Variants in ZFHX3 observed in about 807,000 individuals in gnomAD.
ZFHX3 encodes the protein zinc finger homeobox 3, also known as zinc finger homeobox protein 3.
ZFHX3 carries 42 observed loss-of-function variants against 279.1 expected under a neutral mutation model. The ratio of observed to expected loss-of-function variants is 0.15; its 90% confidence interval spans 0.12 to 0.19. The LOEUF is 0.19. ZFHX3 is among the 10% of genes least tolerant of loss of function. ZFHX3 has a pLI of 1.00. For synonymous variants in ZFHX3, 2,293 were observed against 1,957.8 expected (o/e 1.17, Z -4.52); for missense variants, 4,981 against 4,754.0 (o/e 1.05, Z -1.40).
intron 5 of ZFHX3, among the ~76,000 whole-genome samples, chr16:72,823,395 A>G (rs2143684491): frequency 1.3e-5 from 2 of 152,312 alleles, no homozygotes; most frequent in South Asian, 4.2e-4. Flanking sequence ...CTAGTCAACA[A>G]CAGGGTTGGG....
At chr16:73,573,207 C>T (rs2051760009) in intron 2 of ZFHX3, among the ~76,000 whole-genome samples, 1 of 151,882 alleles carries the variant, frequency 6.6e-6, no homozygotes, top group Non-Finnish European at 1.5e-5. Context: ...CCCAGAAGTC[C>T]ATGCCTCACT....
chr16:73,540,828 T>C (rs113567397), intron 2 of ZFHX3, among the ~76,000 whole-genome samples: 2 of 152,172 alleles, frequency 1.3e-5, no homozygotes, highest in Non-Finnish European at 1.5e-5. Flanking sequence ...CTGCTCACTG[T>C]CAGAGGCCTC....
chr16:73,539,713 C>T (rs143521293), intron 2 of ZFHX3, among the ~76,000 whole-genome samples: 34 of 152,118 alleles, frequency 2.2e-4, no homozygotes, highest in Non-Finnish European at 4.7e-4. Flanking sequence ...GCTCTTCCAC[C>T]GCCTGCCCGT....
intron 1 of ZFHX3, among the ~76,000 whole-genome samples, chr16:73,838,772 G>C (rs943011841): frequency 1.5e-5 from 2 of 134,394 alleles, no homozygotes; most frequent in African/African-American, 7.2e-5. Context: ...CTGTGTGTGT[G>C]TGTGTGTGTG....
At chr16:73,632,528 A>G (rs890873697) in intron 2 of ZFHX3, among the ~76,000 whole-genome samples, 1 of 151,966 alleles carries the variant, frequency 6.6e-6, no homozygotes, top group Non-Finnish European at 1.5e-5. Context: ...TCTACTAAAA[A>G]TACAAAAATT....
intron 5 of ZFHX3, among the ~76,000 whole-genome samples, chr16:72,823,040 C>T (rs1471488135): frequency 6.6e-6 from 1 of 152,062 alleles, no homozygotes; most frequent in Non-Finnish European, 1.5e-5. Flanking sequence ...AGAATTCCGC[C>T]TGCAGTGACT....
At chr16:73,345,764 G>T (rs963133078) in intron 3 of ZFHX3, among the ~76,000 whole-genome samples, 1 of 152,108 alleles carries the variant, frequency 6.6e-6, no homozygotes, top group African/African-American at 2.4e-5. Flanking sequence ...ACCCAGTAAT[G>T]GGATGGCTGA....
At position 73,226,657 on chromosome 16, in the gene ZFHX3, T is replaced by C. The variant is rs1253866684; in HGVS notation, c.-1104+30390A>G. On this transcript the variant is annotated intron_variant, in intron 5 of 17. Transcript: ENST00000641206. ...CCTTGTAGTTATGGATCAGTGTTCT[T>C]ACACTTGAACTACAGTGTCTTTGTT... Among the ~76,000 whole-genome samples the C allele has an allele frequency of 8.5e-5, 13 of 152,372 alleles. No homozygotes were observed. In the East Asian group the frequency reaches 2.5e-3, roughly 29 times the overall value.
intron 4 of ZFHX3, among the ~76,000 whole-genome samples, chr16:72,883,433 T>C (rs928111580): frequency 1.3e-5 from 2 of 152,174 alleles, no homozygotes; most frequent in Non-Finnish European, 2.9e-5. Context: ...TCTGAGCCCT[T>C]GCCACACATC....
intron 1 of ZFHX3, among the ~76,000 whole-genome samples, chr16:73,833,178 C>T (rs944511896): frequency 6.6e-6 from 1 of 152,078 alleles, no homozygotes; most frequent in African/African-American, 2.4e-5. Context: ...GCCCAGGCGA[C>T]GTAGCAAGAC....
At chr16:72,922,202 ACTACCCTAT>A (rs1385847293) in intron 3 of ZFHX3, among the ~76,000 whole-genome samples, 1 of 152,244 alleles carries the variant, frequency 6.6e-6, no homozygotes, top group African/African-American at 2.4e-5. Context: ...TGACACCCAG[ACTACCCTAT>A]CTTTACTCCT....
At chr16:73,103,604 C>T (rs532718196) in intron 7 of ZFHX3, among the ~76,000 whole-genome samples, 1 of 152,334 alleles carries the variant, frequency 6.6e-6, no homozygotes, top group Admixed American at 6.5e-5. Context: ...AGTCCGTGAA[C>T]TCCTCAGGGG....
At chr16:73,587,185 T>C (rs749878842) in intron 2 of ZFHX3, among the ~76,000 whole-genome samples, 5 of 152,200 alleles carry the variant, frequency 3.3e-5, no homozygotes, top group African/African-American at 4.8e-5. Flanking sequence ...AGAACCATGA[T>C]AGAAGCTATT....
intron 1 of ZFHX3, among the ~76,000 whole-genome samples, chr16:73,772,242 G>C (rs1025364823): frequency 2.6e-5 from 4 of 152,314 alleles, no homozygotes; most frequent in South Asian, 2.1e-4. Context: ...ATTTACAAAA[G>C]GAAGAGGTTT....
At chr16:73,574,181 C>A (rs756173202) in intron 2 of ZFHX3, among the ~76,000 whole-genome samples, 27 of 152,058 alleles carry the variant, frequency 1.8e-4, no homozygotes, top group Non-Finnish European at 2.9e-4. Context: ...TATGTTGATG[C>A]AAAAAAGAAA....
chr16:72,960,443 C>T (rs1961521527), intron 1 of ZFHX3, among the ~76,000 whole-genome samples: 1 of 152,176 alleles, frequency 6.6e-6, no homozygotes, highest in Non-Finnish European at 1.5e-5. Context: ...AGGAACAGCC[C>T]TCTTCGGCTT....
intron 3 of ZFHX3, among the ~76,000 whole-genome samples, chr16:72,945,145 G>A (rs969881497): frequency 1.4e-4 from 22 of 152,166 alleles, no homozygotes; most frequent in Non-Finnish European, 7.3e-5. Context: ...CCTATTGGAC[G>A]AATGTGGATG....
chr16:73,778,051 T>C (rs1003080390), intron 1 of ZFHX3, among the ~76,000 whole-genome samples: 1 of 150,752 alleles, frequency 6.6e-6, no homozygotes, highest in Non-Finnish European at 1.5e-5. Context: ...ATGTAAAAAA[T>C]GAAAATGAAA....
intron 5 of ZFHX3, among the ~76,000 whole-genome samples, chr16:73,164,125 G>A (rs184502057): frequency 6.6e-6 from 1 of 152,280 alleles, no homozygotes; most frequent in African/African-American, 2.4e-5. Context: ...ATGTGCAGCA[G>A]ATGAAACAAT....
Sources: allele counts gnomAD v4.1 joint callset (sites outside exome capture counted in the v4.1 genomes callset), GRCh38; gene constraint gnomAD v4.1.1; transcripts MANE v1.5; gene names NCBI Gene and HGNC (gene_info 2026-07-23, HGNC 2026-07-21).